ITPK1: variants seen among roughly 807,000 people sequenced by gnomAD.
ITPK1 encodes inositol 1,3,4-trisphosphate 5/6-kinase.
A neutral mutation model predicts 45.3 loss-of-function variants in ITPK1; 21 were observed. The ratio of observed to expected loss-of-function variants is 0.46; its 90% CI spans 0.33 to 0.67. The LOEUF (loss-of-function observed/expected upper bound fraction) is 0.67, where lower values mean the gene tolerates loss of function less well. ITPK1 is among the 30% of genes least tolerant of loss of function. The pLI is 0.02. For missense variants in ITPK1, 474 were observed against 573.5 expected (o/e 0.83, Z 1.77); for synonymous variants, 258 against 253.6 (o/e 1.02, Z -0.16).
At chr14:92,984,913 AATC>A (rs1886420095) in intron 5 of ITPK1, among the ~76,000 whole-genome samples, 1 of 152,240 alleles carries the variant, frequency 6.6e-6, no homozygotes, top group Non-Finnish European at 1.5e-5. Context: ...GTCTGCAAAG[AATC>A]CTCTTAGAAG....
intron 2 of ITPK1, among the ~76,000 whole-genome samples, chr14:93,105,708 T>G (rs1047619514): frequency 1.3e-5 from 2 of 149,850 alleles, no homozygotes; most frequent in African/African-American, 4.9e-5. Context: ...TGGGGTTTTT[T>G]TTTTTTTTTT....
intron 3 of ITPK1, among the ~76,000 whole-genome samples, chr14:93,064,081 A>T (rs1266255603): frequency 1.3e-5 from 2 of 152,152 alleles, no homozygotes. Flanking sequence ...CAGGAGATTG[A>T]GACCATCCTG....
chr14:92,952,883 G>A (rs138383954), intron 8 of ITPK1, among the ~76,000 whole-genome samples: 7 of 152,382 alleles, frequency 4.6e-5, no homozygotes, highest in Non-Finnish European at 1.0e-4. Context: ...AAGAATTGCA[G>A]AACCATGAGC....
chr14:93,091,170 G>T (rs1015120129), intron 2 of ITPK1, among the ~76,000 whole-genome samples: 3 of 152,208 alleles, frequency 2.0e-5, no homozygotes, highest in Non-Finnish European at 4.4e-5. Flanking sequence ...ATTATGAAGA[G>T]AAAAAGTTCT....
At chr14:92,951,386 G>A (rs1283081785) in intron 9 of ITPK1, among the ~76,000 whole-genome samples, 4 of 152,310 alleles carry the variant, frequency 2.6e-5, no homozygotes, top group South Asian at 4.1e-4. Flanking sequence ...AACGTGCAAA[G>A]ATCACTGAGC....
chr14:93,099,913 G>A (rs368929466), intron 2 of ITPK1, among the ~76,000 whole-genome samples: 72 of 152,288 alleles, frequency 4.7e-4, no homozygotes, highest in African/African-American at 1.6e-3. Flanking sequence ...TCAGGCCCCC[G>A]TCCAAGTCTT....
chr14:93,077,406 C>T lies in ITPK1; in HGVS notation c.96-787G>A, dbSNP rs1481036611. 4.6e-5 allele frequency among the ~76,000 whole-genome samples: 7 copies of T among 152,174 alleles called. 1 individual carries two copies. The highest frequency in any genetic ancestry group is 3.9e-4 in the Admixed American group (6 of 15,286). On this transcript the variant is annotated intron_variant, in intron 2 of 10. Coordinates refer to ENST00000267615, the MANE Select transcript of ITPK1 (RefSeq NM_014216.6). Reference sequence around the variant, plus strand: ...GATCTCAGCTCACTACAACCTCCGCCTCCCGGGTTCAAGCGATTCTCCTGC... The same window carrying T: ...GATCTCAGCTCACTACAACCTCCGCTTCCCGGGTTCAAGCGATTCTCCTGC...
intron 3 of ITPK1, among the ~76,000 whole-genome samples, chr14:93,049,449 G>A (rs1399034806): frequency 2.6e-5 from 4 of 152,170 alleles, no homozygotes; most frequent in East Asian, 1.9e-4. Flanking sequence ...GAGAGAGTGC[G>A]CAGGTGTTGC....
At chr14:92,969,878 G>C (rs1324532813) in intron 5 of ITPK1, among the ~76,000 whole-genome samples, 1 of 152,172 alleles carries the variant, frequency 6.6e-6, no homozygotes, top group Non-Finnish European at 1.5e-5. Context: ...AAACGGAAAT[G>C]CTCCCGTCTT....
intron 3 of ITPK1, among the ~76,000 whole-genome samples, chr14:93,050,970 C>T (rs1315503349): frequency 6.6e-6 from 1 of 152,194 alleles, no homozygotes. Context: ...TGTCTTCCCA[C>T]TAAACTGGAA....
chr14:93,087,813 C>G (rs778765676), intron 2 of ITPK1, among the ~76,000 whole-genome samples: 2 of 152,038 alleles, frequency 1.3e-5, no homozygotes, highest in Admixed American at 6.6e-5. Flanking sequence ...AGGAGCACAG[C>G]ACAGCTTTGC....
At position 92,940,150 on chromosome 14, in the gene ITPK1, G is replaced by C; in HGVS notation, c.*1411C>G. 1.0e-6 allele frequency: 1 copy of C among 985,800 alleles called. No individual in the cohort carries two copies. The highest frequency in any genetic ancestry group is 1.7e-5 in the African/African-American group (1 of 57,378). 61.1% of individuals were successfully genotyped at this position (985,800 alleles called of 1,614,324 possible). The stretch of plus-strand genomic sequence containing the variant: ...CAGGCCGAAGGACCTCCATGCACTG[G>C]CTCGGGGGCCTCTCTCGGGACACTC... On this transcript the variant is annotated 3_prime_UTR_variant, in exon 11 of 11. Transcript: ENST00000267615.
chr14:93,045,594 G>T (rs749465551), intron 3 of ITPK1, among the ~76,000 whole-genome samples: 30 of 152,180 alleles, frequency 2.0e-4, no homozygotes, highest in Non-Finnish European at 3.7e-4. Context: ...GTTCAAGGCT[G>T]AAGTGCGCTA....
At chr14:93,101,685 C>A (rs1010659673) in intron 2 of ITPK1, among the ~76,000 whole-genome samples, 2 of 152,162 alleles carry the variant, frequency 1.3e-5, no homozygotes, top group African/African-American at 4.8e-5. Context: ...CCCATCTCTA[C>A]TAAAAATACA....
intron 5 of ITPK1, among the ~76,000 whole-genome samples, chr14:92,979,151 C>A (rs2896227): frequency 0.02 from 3,093 of 152,278 alleles, 104 homozygotes; most frequent in African/African-American, 0.071. Flanking sequence ...TTAATGACTG[C>A]CCTGCTGGGT....
intron 3 of ITPK1, among the ~76,000 whole-genome samples, chr14:93,053,387 G>C (rs542526776): frequency 2.2e-4 from 34 of 152,278 alleles, no homozygotes; most frequent in African/African-American, 8.2e-4. Context: ...CCCTCTCCCG[G>C]CTGCCTGTTG....
At chr14:93,106,689 C>T (rs1892539280) in intron 2 of ITPK1, among the ~76,000 whole-genome samples, 1 of 152,214 alleles carries the variant, frequency 6.6e-6, no homozygotes, top group Non-Finnish European at 1.5e-5. Flanking sequence ...ATTTCCAGTG[C>T]ATCTGAGAGC....
Position 93,076,590 on chromosome 14 carries a change from C to T in ITPK1, c.120+5G>A. 1 of 1,614,196 alleles carries T rather than the reference C, an allele frequency of 6.2e-7. No homozygotes were observed. Among genetic ancestry groups the T allele is most frequent in the Non-Finnish European group, 8.5e-7 (1 of 1,180,026 alleles). ...AAGAACCACGGGGACGCGGTCTGTA[C>T]TCACCTGCACAACCTCCATCCCTCG... On this transcript the variant is annotated splice_donor_5th_base_variant and intron_variant, in intron 3 of 10. Coordinates refer to ENST00000267615, the MANE Select transcript of ITPK1 (RefSeq NM_014216.6). This position sits in a 1 kb window ranked among gnomAD's most constrained non-coding sequence, Gnocchi z 4.3.
chr14:92,982,371 A>C (rs1049260244), intron 5 of ITPK1, among the ~76,000 whole-genome samples: 4 of 152,146 alleles, frequency 2.6e-5, no homozygotes, highest in African/African-American at 4.8e-5. Flanking sequence ...CTGAAGAGGA[A>C]GCTGGAGATT....
Sources: allele counts gnomAD v4.1 joint callset (sites outside exome capture counted in the v4.1 genomes callset), GRCh38; gene constraint gnomAD v4.1.1; non-coding constraint Gnocchi (gnomAD v3.1); transcripts MANE v1.5; gene names NCBI Gene and HGNC (gene_info 2026-07-23, HGNC 2026-07-21).